Variants in RNF180 observed in about 807,000 individuals in gnomAD.
RNF180 encodes ring finger protein 180.
Under a neutral mutation model 59.2 loss-of-function variants are expected in RNF180, and 38 were observed. That is an observed-to-expected ratio of 0.64 (90% CI 0.50 to 0.84). The LOEUF (loss-of-function observed/expected upper bound fraction) is 0.84. Among genes scored for constraint, RNF180 ranks in the 40% least tolerant of loss-of-function variants. The pLI is 0.00. For missense variants in RNF180, 705 were observed against 700.9 expected (o/e 1.01, Z -0.07); for synonymous variants, 262 against 240.3 (o/e 1.09, Z -0.84).
chr5:64,330,206 A>G (rs1247703822), intron 6 of RNF180, 75 bp from the exon 7 acceptor site: 21 of 944,754 alleles, frequency 2.2e-5, no homozygotes, highest in Non-Finnish European at 1.6e-6. Flanking sequence ...AAAATACTAC[A>G]GTATTCACTT....
chr5:64,214,162 C>G lies in RNF180; in HGVS notation c.836C>G (p.Ser279Cys). The G allele has an allele frequency of 6.2e-7, 1 of 1,614,112 alleles. No individual in the cohort carries two copies. Among genetic ancestry groups the G allele is most frequent in the Non-Finnish European group, 8.5e-7 (1 of 1,180,016 alleles). Residue 279 changes from serine (S) to cysteine (C), a missense_variant, in exon 4 of 8, where the codon TCC becomes TGC. Transcript: ENST00000389100. ...LPLQSSKNSY[S>C]FQNPSSFDPS... ...TTACAATCTAGTAAAAATAGCTATT[C>G]CTTTCAGAATCCATCCAGTTTTGAT...
chr5:64,262,425 A>G (rs1744400191), intron 5 of RNF180, among the ~76,000 whole-genome samples: 1 of 152,102 alleles, frequency 6.6e-6, no homozygotes, highest in East Asian at 1.9e-4. Flanking sequence ...TCGTATTTCA[A>G]AATCGGACAG....
intron 1 of RNF180, among the ~76,000 whole-genome samples, chr5:64,194,742 C>T (rs1751369603): frequency 6.6e-6 from 1 of 152,206 alleles, no homozygotes; most frequent in Admixed American, 6.5e-5. Flanking sequence ...TTGCATTTCT[C>T]TGTTGGCCAG....
rs182511457 is a variant in RNF180, at chr5:64,281,543, G to C, written c.1228-43643G>C. The stretch of plus-strand genomic sequence containing the variant: ...AGATGGAGTCTTGTTCTGTTGCCCA[G>C]GCTGGAGTGAAGTGGCATGATGTCA... On this transcript the variant is annotated intron_variant, in intron 5 of 7. Transcript: ENST00000389100. 3.0e-3 allele frequency among the ~76,000 whole-genome samples: 463 copies of C among 152,152 alleles called. 1 individual carries two copies. The highest frequency in any genetic ancestry group is 5.5e-3 in the Non-Finnish European group (376 of 67,994).
intron 1 of RNF180, among the ~76,000 whole-genome samples, chr5:64,177,671 A>G (rs936174899): frequency 1.3e-5 from 2 of 151,584 alleles, no homozygotes; most frequent in Non-Finnish European, 2.9e-5. Context: ...TATTACTCTG[A>G]TACTCTGGTA....
At chr5:64,365,824 A>G (rs1266546786) in intron 7 of RNF180, among the ~76,000 whole-genome samples, 4 of 151,266 alleles carry the variant, frequency 2.6e-5, no homozygotes, top group Non-Finnish European at 5.9e-5. Context: ...CATTTGCTTG[A>G]TAGATTTTTC....
At chr5:64,298,246 C>T (rs1414849241) in intron 5 of RNF180, among the ~76,000 whole-genome samples, 1 of 152,012 alleles carries the variant, frequency 6.6e-6, no homozygotes, top group Non-Finnish European at 1.5e-5. Context: ...TGTACATTTT[C>T]TTTATCCAGT....
intron 6 of RNF180, among the ~76,000 whole-genome samples, chr5:64,326,307 G>T (rs1286875765): frequency 6.6e-6 from 1 of 151,936 alleles, no homozygotes; most frequent in Non-Finnish European, 1.5e-5. Context: ...TGTACTACCA[G>T]AAACTAAATG....
chr5:64,247,142 C>G (rs1743232337), intron 5 of RNF180, among the ~76,000 whole-genome samples: 1 of 152,082 alleles, frequency 6.6e-6, no homozygotes, highest in Non-Finnish European at 1.5e-5. Flanking sequence ...TATGACAAAC[C>G]CACAGCCAAT....
At chr5:64,352,238 C>A (rs1745844781) in intron 7 of RNF180, among the ~76,000 whole-genome samples, 1 of 151,998 alleles carries the variant, frequency 6.6e-6, no homozygotes, top group African/African-American at 2.4e-5. Context: ...TCTGTGGGAT[C>A]AGTGGTGATA....
rs143881503 is a variant in RNF180 at position 64,305,084 on chromosome 5, G to A, written c.1228-20102G>A. 5.1e-3 allele frequency among the ~76,000 whole-genome samples: 781 copies of A among 151,780 alleles called. 7 individuals carry two copies. The highest frequency in any genetic ancestry group is 0.018 in the African/African-American group (748 of 41,470). ...TGTACATTAGTTTTGTAAGCACAAA[G>A]CTATTACACACTTAATAGACTACAT... On this transcript the variant is annotated intron_variant, in intron 5 of 7. Coordinates refer to ENST00000389100, the MANE Select transcript of RNF180 (RefSeq NM_001113561.2).
chr5:64,179,282 T>A (rs1750440902), intron 1 of RNF180, among the ~76,000 whole-genome samples: 1 of 152,166 alleles, frequency 6.6e-6, no homozygotes, highest in Non-Finnish European at 1.5e-5. Flanking sequence ...TTCTCACCAC[T>A]TAGTATTAGA....
At chr5:64,312,367 C>T (rs907883828) in intron 5 of RNF180, among the ~76,000 whole-genome samples, 7 of 152,042 alleles carry the variant, frequency 4.6e-5, no homozygotes, top group African/African-American at 1.7e-4. Flanking sequence ...CCTCCATTAG[C>T]CTAAAAGTTC....
At chr5:64,255,489 G>T (rs1219290971) in intron 5 of RNF180, among the ~76,000 whole-genome samples, 1 of 152,024 alleles carries the variant, frequency 6.6e-6, no homozygotes, top group East Asian at 1.9e-4. Flanking sequence ...TGAGAATGAT[G>T]GTTTCCAGCT....
chr5:64,243,891 G>A (rs761027910), intron 5 of RNF180, among the ~76,000 whole-genome samples: 10 of 152,164 alleles, frequency 6.6e-5, no homozygotes, highest in Non-Finnish European at 1.3e-4. Context: ...TCCAGAGAAA[G>A]GAACAGGCAG....
chr5:64,170,940 C>G (rs1245771424), intron 1 of RNF180, among the ~76,000 whole-genome samples: 1 of 152,164 alleles, frequency 6.6e-6, no homozygotes, highest in Non-Finnish European at 1.5e-5. Context: ...TCTTGAAAGT[C>G]TTCCTTTACC....
chr5:64,173,879 C>T (rs1750084181), intron 1 of RNF180, among the ~76,000 whole-genome samples: 1 of 152,076 alleles, frequency 6.6e-6, no homozygotes, highest in Non-Finnish European at 1.5e-5. Flanking sequence ...CCACACCCAG[C>T]TAATGTTTGT....
intron 7 of RNF180, among the ~76,000 whole-genome samples, chr5:64,357,000 A>G (rs924816009): frequency 6.6e-6 from 1 of 151,946 alleles, no homozygotes; most frequent in Non-Finnish European, 1.5e-5. Flanking sequence ...ATCTTACCCA[A>G]TAAAAACTAT....
At chr5:64,315,690 C>A (rs769060188) in intron 5 of RNF180, among the ~76,000 whole-genome samples, 1 of 144,270 alleles carries the variant, frequency 6.9e-6, no homozygotes, top group Non-Finnish European at 1.5e-5. Context: ...GAGCCAAGAT[C>A]GTGCCATTGC....
Sources: gnomAD v4.1 joint callset for allele counts (sites outside exome capture counted in the v4.1 genomes callset) on GRCh38, gnomAD v4.1.1 for gene constraint, MANE v1.5 for transcripts, NCBI Gene and HGNC (gene_info 2026-07-23, HGNC 2026-07-21) for gene names.